Variants in NEIL1 observed in about 807,000 individuals in gnomAD.
NEIL1 encodes endonuclease 8-like 1.
NEIL1 carries 31 observed loss-of-function variants against 44.2 expected under a neutral mutation model. That is an observed-to-expected ratio of 0.70 (90% CI 0.53 to 0.95). NEIL1 has a LOEUF of 0.95. Ranked by LOEUF, NEIL1 falls within the 40% of genes least tolerant of loss-of-function variation. The probability of loss-of-function intolerance (pLI) is 0.00; values close to 1 mark genes in which losing one functional copy is unlikely to be tolerated. For synonymous variants in NEIL1, 254 were observed against 209.7 expected (o/e 1.21, Z -1.83); for missense variants, 549 against 515.5 (o/e 1.07, Z -0.63).
At position 75,356,261 on chromosome 15, in the gene NEIL1, C is replaced by G; in HGVS notation, c.*1227C>G. 6.2e-7 allele frequency: 1 copy of G among 1,612,148 alleles called. No homozygotes were observed. Among genetic ancestry groups the G allele is most frequent in the Non-Finnish European group, 8.5e-7 (1 of 1,179,358 alleles). On this transcript the variant is annotated 3_prime_UTR_variant, in exon 10 of 10. Coordinates refer to ENST00000355059, the MANE Select transcript of NEIL1 (RefSeq NM_024608.4). The surrounding 1 kb of genome is among the most constrained non-coding windows in gnomAD (Gnocchi z 5.8). ...CTGGTGGGAGGGGCCGAGGGCAGGC[C>G]CAGTTCGGAACCCCGTCCCCAGCAC... is the stretch of plus-strand genomic sequence containing the variant.
rs774630337 is a variant in NEIL1, at chr15:75,356,146, C to T, written c.*1112C>T. 1.2e-6 allele frequency: 2 copies of T among 1,613,640 alleles called. No homozygotes were observed. Among genetic ancestry groups the T allele is most frequent in the Non-Finnish European group, 1.7e-6 (2 of 1,180,006 alleles). On this transcript the variant is annotated 3_prime_UTR_variant, in exon 10 of 10. Coordinates refer to ENST00000355059, the MANE Select transcript of NEIL1 (RefSeq NM_024608.4). This position sits in a 1 kb window ranked among gnomAD's most constrained non-coding sequence, Gnocchi z 5.8. Reference sequence around the variant, plus strand: ...CTGAACCGGCAGCGACAAGTGCAGCCAGCAGTCCACGTGGCTGCCGTGGGC... The same window carrying T: ...CTGAACCGGCAGCGACAAGTGCAGCTAGCAGTCCACGTGGCTGCCGTGGGC...
Position 75,356,310 on chromosome 15 carries a change from GGTCTCCAATACGACC to G in NEIL1, c.*1278_*1292del, listed in dbSNP as rs1567268509. The G allele has an allele frequency of 6.2e-7, 1 of 1,611,580 alleles. No individual in the cohort carries two copies. The highest frequency in any genetic ancestry group is 1.1e-5 in the South Asian group (1 of 90,764). Reference sequence around the variant, plus strand: ...ACGTCCCACCCCTTGCCTGCTTGACGGTCTCCAATACGACCGCGGGTGAAGACACGGAAAACGCAC... The same window carrying G: ...ACGTCCCACCCCTTGCCTGCTTGACGGCGGGTGAAGACACGGAAAACGCAC... On this transcript the variant is annotated 3_prime_UTR_variant, in exon 10 of 10. Coordinates refer to ENST00000355059, the MANE Select transcript of NEIL1 (RefSeq NM_024608.4). This position sits in a 1 kb window ranked among gnomAD's most constrained non-coding sequence, Gnocchi z 5.8.
At chr15:75,349,465 C>A in intron 2 of NEIL1, 126 bp downstream of exon 2, 1 of 922,642 alleles carries the variant, frequency 1.1e-6, no homozygotes, top group Non-Finnish European at 1.6e-6. Context: ...ATCTGCAGAT[C>A]AAGACAGTAT....
At position 75,356,599 on chromosome 15, in the gene NEIL1, C is replaced by A. The variant is rs1407798805; in HGVS notation, c.*1565C>A. 1.3e-6 allele frequency: 2 copies of A among 1,557,142 alleles called. No homozygotes were observed. The highest frequency in any genetic ancestry group is 3.9e-5 in the Admixed American group (2 of 51,362). ...TGCAGGAAGGCCCCACCGTCCCCAG[C>A]ACTCACCCTTGTGCGGCATCAGTGC... On this transcript the variant is annotated 3_prime_UTR_variant, in exon 10 of 10. Transcript: ENST00000355059. This position sits in a 1 kb window ranked among gnomAD's most constrained non-coding sequence, Gnocchi z 5.8.
Position 75,353,840 on chromosome 15 carries a change from C to T in NEIL1, c.820C>T (p.Arg274Trp), listed in dbSNP as rs546766751. The T allele has an allele frequency of 2.5e-5, 40 of 1,613,320 alleles. No homozygotes were observed. Among genetic ancestry groups the T allele is most frequent in the African/African-American group, 5.3e-5 (4 of 75,034 alleles). The change falls in exon 6 of 10, where the codon CGG (arginine) becomes TGG (tryptophan). Residue 274 changes from arginine (R) to tryptophan (W), a missense_variant. By Grantham distance (101) the Arg-to-Trp change is moderately radical. Coordinates refer to ENST00000355059, the MANE Select transcript of NEIL1 (RefSeq NM_024608.4). ...GCCAGGCATGAGCTCCCTGCAGGACCGGCATGGCCGTACCATCTGGTTCCA... is the reference window on the plus strand; with the variant it reads ...GCCAGGCATGAGCTCCCTGCAGGACTGGCATGGCCGTACCATCTGGTTCCA... ...GMPGMSSLQD[R>W]HGRTIWFQGD...
Position 75,356,014 on chromosome 15 carries a change from T to G in NEIL1, c.*980T>G. On this transcript the variant is annotated 3_prime_UTR_variant, in exon 10 of 10. Transcript: ENST00000355059. This position sits in a 1 kb window ranked among gnomAD's most constrained non-coding sequence, Gnocchi z 5.8. ...GGGTCAAGTGGCCAGCAGGGTCTGG[T>G]CGCTCCAAGAGATCGCAGCTGGAGA... 6.2e-7 allele frequency: 1 copy of G among 1,613,984 alleles called. No homozygotes were observed.
At chr15:75,353,494 G>A (rs891575389) in intron 5 of NEIL1, 28 of 573,550 alleles carry the variant, frequency 4.9e-5, no homozygotes, top group African/African-American at 7.4e-5. Context: ...CCAAAGTGTC[G>A]GGATTACAGG....
In NEIL1 at chr15:75,348,115, C is replaced by A. The variant is rs944304308; in HGVS notation, c.-23+642C>A. ...GGCCCGGGGCAGGAGCTCGGGGAGCCCTTCCTGGTGCCCGCCGTCCTCCTG... is the reference window on the plus strand; with the variant it reads ...GGCCCGGGGCAGGAGCTCGGGGAGCACTTCCTGGTGCCCGCCGTCCTCCTG... On this transcript the variant is annotated intron_variant, in intron 1 of 9. Coordinates refer to ENST00000355059, the MANE Select transcript of NEIL1 (RefSeq NM_024608.4). The A allele has an allele frequency of 1.4e-5, 12 of 831,406 alleles. No homozygotes were observed. In the South Asian group the frequency reaches 1.8e-4, roughly 12 times the overall value. The allele number at this position is 831,406 out of a possible 1,614,324, so 51.5% of individuals were successfully genotyped here.
chr15:75,348,843 A>C (rs2071647440), intron 1 of NEIL1, 41 bp from the exon 2 acceptor site: 1 of 1,573,596 alleles, frequency 6.4e-7, no homozygotes, highest in Non-Finnish European at 8.6e-7. Flanking sequence ...TACCTCACAA[A>C]GTCCACACCG....
At chr15:75,347,803 G>T in intron 1 of NEIL1, 1 of 1,137,914 alleles carries the variant, frequency 8.8e-7, no homozygotes, top group Non-Finnish European at 1.1e-6. Flanking sequence ...GGGGAGGACG[G>T]GCCCGAGAGC....
intron 5 of NEIL1, chr15:75,353,449 C>G (rs554260092): frequency 7.2e-6 from 3 of 418,036 alleles, no homozygotes; most frequent in Non-Finnish European, 1.4e-5. Flanking sequence ...TGGTATTGAA[C>G]TCCTGGCCCC....
In NEIL1 at chr15:75,352,097, C is replaced by A; in HGVS notation, c.435-14C>A. On this transcript the variant is annotated splice_polypyrimidine_tract_variant and intron_variant, in intron 2 of 9. Transcript: ENST00000355059. ...TGGGGATGGGTCTTACGCACCCAGA[C>A]CGTGTTCCTCCAGGGAGAATGTGCT... 1 of 1,614,048 alleles carries A rather than the reference C, an allele frequency of 6.2e-7. No individual in the cohort carries two copies. The highest frequency in any genetic ancestry group is 8.5e-7 in the Non-Finnish European group (1 of 1,179,932).
chr15:75,348,377 G>T, intron 1 of NEIL1: 13 of 986,190 alleles, frequency 1.3e-5, no homozygotes, highest in Non-Finnish European at 1.6e-5. Context: ...TGGGGGGAGG[G>T]GGGCGCAGGG....
rs539110497 is a variant in NEIL1 at position 75,354,357 on chromosome 15, C to T, written c.875-74C>T. On this transcript the variant is annotated intron_variant, in intron 7 of 9. Transcript: ENST00000355059. The stretch of plus-strand genomic sequence containing the variant: ...AAGGGCTACAGCACCCTTCTCCACC[C>T]TATCCCCCTGCAACCCTGGGAGTCA... The T allele has an allele frequency of 1.1e-5, 17 of 1,611,036 alleles. No homozygotes were observed. In the East Asian group the frequency reaches 2.9e-4, roughly 27 times the overall value.
At position 75,355,831 on chromosome 15, in the gene NEIL1, C is replaced by T; in HGVS notation, c.*797C>T. The stretch of plus-strand genomic sequence containing the variant: ...ATTTATTCCACAAGAAAAGACTGAT[C>T]CCTGCTTTAGGCTGGGGAAGCAGAA... On this transcript the variant is annotated 3_prime_UTR_variant, in exon 10 of 10. Transcript: ENST00000355059. 10 of 1,491,816 alleles carry T rather than the reference C, an allele frequency of 6.7e-6. 1 individual carries two copies. The allele number at this position is 1,491,816 out of a possible 1,614,324, so 92.4% of individuals were successfully genotyped here.
At position 75,355,760 on chromosome 15, in the gene NEIL1, A is replaced by C; in HGVS notation, c.*726A>C. On this transcript the variant is annotated 3_prime_UTR_variant, in exon 10 of 10. Coordinates refer to ENST00000355059, the MANE Select transcript of NEIL1 (RefSeq NM_024608.4). Reference sequence around the variant, plus strand: ...ACTTCCCACCCCCACCCCAAGCGTGAGGATGGGCCCTAAGGGGACTGAGCA... The same window carrying C: ...ACTTCCCACCCCCACCCCAAGCGTGCGGATGGGCCCTAAGGGGACTGAGCA... The C allele has an allele frequency of 2.1e-6, 1 of 484,784 alleles. No individual in the cohort carries two copies. Among genetic ancestry groups the C allele is most frequent in the Non-Finnish European group, 3.5e-6 (1 of 284,680 alleles). The allele number at this position is 484,784 out of a possible 1,614,324, so 30.0% of individuals were successfully genotyped here.
chr15:75,354,343 C>T, intron 7 of NEIL1, 66 bp downstream of exon 7: 2 of 1,609,024 alleles, frequency 1.2e-6, no homozygotes, highest in Non-Finnish European at 8.5e-7. Flanking sequence ...AGGGCTACAG[C>T]ACCCTTCTCC....
At chr15:75,352,774 G>C (rs1325277684) in intron 5 of NEIL1, 73 bp downstream of exon 5, 16 of 1,237,876 alleles carry the variant, frequency 1.3e-5, no homozygotes, top group East Asian at 2.5e-5. Context: ...GTCCCTCTCT[G>C]GACCTGATTC....
chr15:75,348,590 GC>G, intron 1 of NEIL1: 1 of 1,273,588 alleles, frequency 7.9e-7, no homozygotes, highest in East Asian at 3.5e-5. Context: ...TGCAGCCGCG[GC>G]CCCGCAAGGA....
Sources: gnomAD v4.1 joint callset for allele counts on GRCh38, gnomAD v4.1.1 for gene constraint, Gnocchi (gnomAD v3.1) non-coding constraint, MANE v1.5 for transcripts, NCBI Gene and HGNC (gene_info 2026-07-23, HGNC 2026-07-21) for gene names.